Variants in EVL observed in about 807,000 individuals in gnomAD.
The protein encoded by EVL is ena/VASP-like protein.
In EVL, 21 loss-of-function variants were observed where a neutral mutation model predicts 59.6. The ratio of observed to expected loss-of-function variants is 0.35; its 90% CI spans 0.25 to 0.51. The LOEUF (loss-of-function observed/expected upper bound fraction) is 0.51. Among genes scored for constraint, EVL ranks in the 20% least tolerant of loss-of-function variants. The pLI is 0.97. For synonymous variants in EVL, 198 were observed against 203.5 expected (o/e 0.97, Z 0.23); for missense variants, 462 against 546.6 (o/e 0.85, Z 1.54).
intron 1 of EVL, among the ~76,000 whole-genome samples, chr14:99,987,918 T>TG (rs2060849650): frequency 6.9e-6 from 1 of 144,420 alleles, no homozygotes; most frequent in African/African-American, 2.6e-5. Flanking sequence ...TTTTTTTTTT[T>TG]TTTTTTTTTT....
At chr14:100,046,020 T>C (rs1283699226) in intron 1 of EVL, among the ~76,000 whole-genome samples, 2 of 152,232 alleles carry the variant, frequency 1.3e-5, no homozygotes, top group African/African-American at 4.8e-5. Context: ...CTGTTTGATT[T>C]GATTTTCCCC....
chr14:100,020,227 A>G (rs2061097417), intron 1 of EVL, among the ~76,000 whole-genome samples: 1 of 152,138 alleles, frequency 6.6e-6, no homozygotes, highest in South Asian at 2.1e-4. Flanking sequence ...TGTTTTGTTA[A>G]CAGGGCTCTT....
At chr14:100,106,626 G>C in intron 3 of EVL, 1 of 390,522 alleles carries the variant, frequency 2.6e-6, no homozygotes, top group Non-Finnish European at 4.5e-6. Context: ...AGGTAGGTAG[G>C]TTATGTAATC....
chr14:100,064,495 A>C (rs1401344953), upstream of EVL, among the ~76,000 whole-genome samples: 1 of 152,264 alleles, frequency 6.6e-6, no homozygotes, highest in Non-Finnish European at 1.5e-5. Context: ...TGACAAAGCC[A>C]AGTTTCCAGT....
intron 1 of EVL, among the ~76,000 whole-genome samples, chr14:100,008,152 G>C (rs998557267): frequency 6.6e-6 from 1 of 152,190 alleles, no homozygotes; most frequent in Non-Finnish European, 1.5e-5. Flanking sequence ...ATCCCCAGGA[G>C]GGCTTGTTAA....
At chr14:100,012,056 G>T (rs1355183011) in intron 1 of EVL, among the ~76,000 whole-genome samples, 1 of 152,136 alleles carries the variant, frequency 6.6e-6, no homozygotes, top group East Asian at 1.9e-4. Flanking sequence ...ATGGAGCTGG[G>T]ACCACAGCCC....
chr14:100,035,657 A>G (rs1595595971), intron 1 of EVL, among the ~76,000 whole-genome samples: 1 of 152,200 alleles, frequency 6.6e-6, no homozygotes, highest in South Asian at 2.1e-4. Flanking sequence ...AATAGGTAAG[A>G]CATTGCACAA....
At chr14:100,136,548 G>A (rs1888802243) in intron 9 of EVL, among the ~76,000 whole-genome samples, 1 of 152,174 alleles carries the variant, frequency 6.6e-6, no homozygotes, top group African/African-American at 2.4e-5. Context: ...CATCTTTGCA[G>A]CACCTGCTCT....
upstream of EVL, among the ~76,000 whole-genome samples, chr14:100,064,266 C>T (rs1488359307): frequency 6.6e-6 from 1 of 152,136 alleles, no homozygotes; most frequent in Non-Finnish European, 1.5e-5. Context: ...ACATTATCAA[C>T]CTCTTCTTTT....
chr14:99,979,570 T>A (rs974069356), intron 1 of EVL, among the ~76,000 whole-genome samples: 14 of 152,050 alleles, frequency 9.2e-5, no homozygotes, highest in East Asian at 1.9e-4. Flanking sequence ...ATATTTTTTT[T>A]AAAAAAAGGA....
intron 1 of EVL, among the ~76,000 whole-genome samples, chr14:100,012,518 G>A (rs1039578699): frequency 6.6e-6 from 1 of 152,196 alleles, no homozygotes; most frequent in Admixed American, 6.5e-5. Flanking sequence ...ATTCAAAAGG[G>A]TAATCTGCCC....
chr14:100,077,528 A>T (rs1362592884), intron 1 of EVL, among the ~76,000 whole-genome samples: 1 of 152,190 alleles, frequency 6.6e-6, no homozygotes, highest in Non-Finnish European at 1.5e-5. Flanking sequence ...TCGACATGGG[A>T]TTTATCAGTG....
Position 100,128,851 on chromosome 14 carries a change from G to T in EVL, c.717+103G>T, listed in dbSNP as rs1888255176. ...CCGCATCTGCGAGACACAGCAAACT[G>T]CTTCCCTGCCCAAAGCTAGCTGGCC... On this transcript the variant is annotated intron_variant, in intron 6 of 13. Coordinates refer to ENST00000392920, the MANE Select transcript of EVL (RefSeq NM_016337.3). The T allele has an allele frequency of 3.9e-6, 4 of 1,017,176 alleles. No individual in the cohort carries two copies. The African/African-American group carries it at 6.3e-5, about 16-fold the overall frequency. The allele number at this position is 1,017,176 out of a possible 1,614,324, so 63.0% of individuals were successfully genotyped here.
At chr14:100,133,717 C>T (rs1183381498) in intron 8 of EVL, among the ~76,000 whole-genome samples, 1 of 152,194 alleles carries the variant, frequency 6.6e-6, no homozygotes, top group Non-Finnish European at 1.5e-5. Flanking sequence ...GCAGACGGAT[C>T]ACCTGAGGTC....
intron 4 of EVL, among the ~76,000 whole-genome samples, chr14:100,124,817 G>A (rs913101103): frequency 4.6e-5 from 7 of 152,198 alleles, no homozygotes; most frequent in African/African-American, 1.7e-4. Context: ...CCCAATCCAA[G>A]CTGTGTGGGG....
chr14:100,100,633 G>A (rs907331443), intron 3 of EVL, among the ~76,000 whole-genome samples: 2 of 151,960 alleles, frequency 1.3e-5, no homozygotes, highest in Admixed American at 6.6e-5. Flanking sequence ...TGTATGATTA[G>A]CTTGGCTTGT....
intron 1 of EVL, among the ~76,000 whole-genome samples, chr14:100,034,331 T>C (rs925113962): frequency 6.6e-6 from 1 of 151,934 alleles, no homozygotes; most frequent in Admixed American, 6.6e-5. Context: ...AGAAGTCTTA[T>C]GGGAAGGGGA....
At chr14:100,033,810 G>C (rs1490827871) in intron 1 of EVL, among the ~76,000 whole-genome samples, 3 of 152,318 alleles carry the variant, frequency 2.0e-5, no homozygotes, top group Non-Finnish European at 1.5e-5. Flanking sequence ...GCATCACACA[G>C]AGCTGGCATT....
chr14:100,043,178 G>T (rs994901080), intron 1 of EVL, among the ~76,000 whole-genome samples: 3 of 151,810 alleles, frequency 2.0e-5, no homozygotes, highest in African/African-American at 4.8e-5. Flanking sequence ...GAACCCCTCT[G>T]TATTAATCAG....
Sources: gnomAD v4.1 joint callset for allele counts (sites outside exome capture counted in the v4.1 genomes callset) on GRCh38, gnomAD v4.1.1 for gene constraint, MANE v1.5 for transcripts, NCBI Gene and HGNC (gene_info 2026-07-23, HGNC 2026-07-21) for gene names.